TTBK2: variants seen among roughly 807,000 people sequenced by gnomAD.
TTBK2 encodes the protein tau tubulin kinase 2.
Under a neutral mutation model 110.8 loss-of-function variants are expected in TTBK2, and 28 were observed. The ratio of observed to expected loss-of-function variants is 0.25; its 90% confidence interval spans 0.19 to 0.35. TTBK2 has a LOEUF of 0.35. Among genes scored for constraint, TTBK2 ranks in the 10% least tolerant of loss-of-function variants. The probability of loss-of-function intolerance (pLI) is 1.00; values close to 1 mark genes in which losing one functional copy is unlikely to be tolerated. For synonymous variants in TTBK2, 532 were observed against 527.3 expected (o/e 1.01, Z -0.12); for missense variants, 1,369 against 1,500.3 (o/e 0.91, Z 1.45).
At chr15:42,875,986 C>T (rs531285696) in intron 2 of TTBK2, among the ~76,000 whole-genome samples, 1 of 150,904 alleles carries the variant, frequency 6.6e-6, no homozygotes, top group Non-Finnish European at 1.5e-5. Flanking sequence ...AAATGAGCCA[C>T]CAGGTTGGGG....
intron 1 of TTBK2, among the ~76,000 whole-genome samples, chr15:42,905,337 A>C (rs1596045029): frequency 6.6e-6 from 1 of 152,300 alleles, no homozygotes; most frequent in African/African-American, 2.4e-5. Flanking sequence ...ACTGTGGCAT[A>C]ATCCCAGCTC....
chr15:42,804,935 C>G (rs532680704), intron 9 of TTBK2, among the ~76,000 whole-genome samples: 1 of 152,248 alleles, frequency 6.6e-6, no homozygotes, highest in East Asian at 1.9e-4. Flanking sequence ...AAATCATTAC[C>G]CTCACCATAA....
intron 9 of TTBK2, among the ~76,000 whole-genome samples, chr15:42,803,596 A>C (rs1379036911): frequency 6.6e-6 from 1 of 152,186 alleles, no homozygotes; most frequent in Non-Finnish European, 1.5e-5. Flanking sequence ...AATATAGTAC[A>C]CTAAGGCTTT....
chr15:42,840,539 T>C lies in TTBK2; in HGVS notation c.218-106A>G, dbSNP rs187616413. ...GTTTTATGATTGAATATAAAATACA[T>C]CTTGAGAACCTTAAGGATAGAAAAC... On this transcript the variant is annotated intron_variant, in intron 3 of 14. Coordinates refer to ENST00000267890, the MANE Select transcript of TTBK2 (RefSeq NM_173500.4). 5 of 1,012,140 alleles carry C rather than the reference T, an allele frequency of 4.9e-6. No individual in the cohort carries two copies. The Admixed American group carries it at 6.9e-5, about 14-fold the overall frequency. The allele number at this position is 1,012,140 out of a possible 1,614,324, so 62.7% of individuals were successfully genotyped here. A position where few individuals can be genotyped will look rare whatever the true frequency, so the allele number is the denominator to read the frequency against.
intron 10 of TTBK2, among the ~76,000 whole-genome samples, chr15:42,784,901 G>C (rs745493098): frequency 1.3e-5 from 2 of 152,198 alleles, no homozygotes; most frequent in East Asian, 3.9e-4. Context: ...CATTTCAGCA[G>C]CTGGGCTTGT....
chr15:42,752,820 A>G lies in TTBK2; in HGVS notation c.2426T>C (p.Leu809Ser). The change falls in exon 14 of 15, where the codon TTG becomes TCG. Residue 809 changes from leucine to serine, a missense_variant. Physicochemically the swap from Leu to Ser is moderately radical, Grantham distance 145. Transcript: ENST00000267890. ...CIEISSLPGD[L>S]VIVEKDHSAT... ...TGAGTGATCCTTTTCCACAATTACC[A>G]AATCTCCTGGGAGAGAGGAGATCTC... 6.2e-7 allele frequency: 1 copy of G among 1,614,158 alleles called. No individual in the cohort carries two copies.
At chr15:42,920,039 T>C (rs139404684) in intron 1 of TTBK2, among the ~76,000 whole-genome samples, 1 of 152,100 alleles carries the variant, frequency 6.6e-6, no homozygotes, top group African/African-American at 2.4e-5. Flanking sequence ...CTTTCCATGA[T>C]AGTTGGGGAG....
chr15:42,853,608 C>A (rs1407272658), intron 3 of TTBK2, among the ~76,000 whole-genome samples: 1 of 152,178 alleles, frequency 6.6e-6, no homozygotes, highest in Non-Finnish European at 1.5e-5. Context: ...TGATGCTGAT[C>A]ACTCGCAGCA....
At chr15:42,807,984 T>C (rs1387542373) in intron 9 of TTBK2, among the ~76,000 whole-genome samples, 3 of 152,154 alleles carry the variant, frequency 2.0e-5, no homozygotes, top group Admixed American at 6.5e-5. Flanking sequence ...CCAGGTGTAA[T>C]ATGGGGTTAA....
intron 7 of TTBK2, 46 bp from the exon 8 acceptor site, chr15:42,811,826 G>C (rs369955226): frequency 6.4e-7 from 1 of 1,551,498 alleles, no homozygotes; most frequent in Non-Finnish European, 8.9e-7. Flanking sequence ...TATTACTTGT[G>C]AGTACATTAC....
At chr15:42,886,113 C>G (rs1895235690) in intron 1 of TTBK2, among the ~76,000 whole-genome samples, 1 of 152,126 alleles carries the variant, frequency 6.6e-6, no homozygotes, top group South Asian at 2.1e-4. Context: ...CCTATCTGTT[C>G]CTTCAGTCTC....
intron 3 of TTBK2, among the ~76,000 whole-genome samples, chr15:42,851,243 G>A (rs1893699589): frequency 6.8e-6 from 1 of 146,008 alleles, no homozygotes; most frequent in African/African-American, 2.5e-5. Context: ...GCAAAACTCT[G>A]TCTCAGAAAA....
intron 2 of TTBK2, among the ~76,000 whole-genome samples, chr15:42,878,239 C>T (rs775994586): frequency 1.9e-4 from 29 of 151,610 alleles, no homozygotes; most frequent in Non-Finnish European, 4.1e-4. Flanking sequence ...GCCTCGGCCT[C>T]CCAAAGTGCT....
intron 3 of TTBK2, among the ~76,000 whole-genome samples, chr15:42,852,973 CA>C (rs1335063697): frequency 3.9e-5 from 6 of 152,240 alleles, no homozygotes; most frequent in Admixed American, 6.5e-5. Flanking sequence ...TGCCCTCCCA[CA>C]AAAGGTCCCT....
chr15:42,811,565 G>A (rs1223162394), intron 8 of TTBK2, 123 bp downstream of exon 8: 6 of 726,846 alleles, frequency 8.3e-6, no homozygotes, highest in African/African-American at 1.8e-5. Context: ...CATATATTGG[G>A]ACATAGTGAA....
chr15:42,898,374 G>A (rs560850195), intron 1 of TTBK2, among the ~76,000 whole-genome samples: 19 of 152,028 alleles, frequency 1.2e-4, no homozygotes, highest in South Asian at 1.0e-3. Flanking sequence ...GCAAAACTCC[G>A]TCTCTAAAGA....
At position 42,753,223 on chromosome 15, in the gene TTBK2, C is replaced by A. The variant is rs764164213; in HGVS notation, c.2023G>T (p.Ala675Ser). The A allele has an allele frequency of 1.5e-5, 24 of 1,613,068 alleles. No individual in the cohort carries two copies. The highest frequency in any genetic ancestry group is 1.8e-5 in the Non-Finnish European group (21 of 1,179,726). The part of the protein sequence containing the change: ...TAITIPRPSV[A>S]STQSTSGSFH... Reference sequence around the variant, plus strand: ...CTTCCTGAAGTTGACTGTGTAGATGCCACAGAAGGTCTAGGAATTGTAATC... The same window carrying A: ...CTTCCTGAAGTTGACTGTGTAGATGACACAGAAGGTCTAGGAATTGTAATC... Residue 675 changes from alanine to serine, a missense_variant, in exon 14 of 15, where the codon GCA becomes TCA. Physicochemically the swap from Ala to Ser is moderately conservative, Grantham distance 99. Transcript: ENST00000267890.
chr15:42,811,555 C>T lies in TTBK2; in HGVS notation c.696+133G>A, dbSNP rs1044084816. 3 of 688,840 alleles carry T rather than the reference C, an allele frequency of 4.4e-6. No homozygotes were observed. The African/African-American group carries it at 5.4e-5, about 12-fold the overall frequency. 42.7% of individuals were successfully genotyped at this position (688,840 alleles called of 1,614,324 possible). Reference sequence around the variant, plus strand: ...TAATGTCAGCTCACACAGAAAAATACATATATTGGGACATAGTGAAAATGC... The same window carrying T: ...TAATGTCAGCTCACACAGAAAAATATATATATTGGGACATAGTGAAAATGC... On this transcript the variant is annotated intron_variant, in intron 8 of 14. Transcript: ENST00000267890.
rs1176471515 is a variant in TTBK2, at chr15:42,783,488, A to G, written c.1128T>C (p.Arg376=). ...DKLPGSLGHP[R]PQEKDVWEEM... is the part of the protein sequence containing the mutation. ...CTTCCCAAACATCCTTCTCCTGGGG[A>G]CGGGGGTGTCCCAGAGATCCAGGCA... The change falls in exon 11 of 15, where the codon CGT becomes CGC. Residue 376 remains arginine, a synonymous_variant. Coordinates refer to ENST00000267890, the MANE Select transcript of TTBK2 (RefSeq NM_173500.4). 2 of 1,614,004 alleles carry G rather than the reference A, an allele frequency of 1.2e-6. No individual in the cohort carries two copies. The highest frequency in any genetic ancestry group is 1.3e-5 in the African/African-American group (1 of 74,884).
Sources: allele counts gnomAD v4.1 joint callset (sites outside exome capture counted in the v4.1 genomes callset), GRCh38; gene constraint gnomAD v4.1.1; transcripts MANE v1.5; gene names NCBI Gene and HGNC (gene_info 2026-07-23, HGNC 2026-07-21).